Variants in DENND5A observed in about 807,000 individuals in gnomAD.
DENND5A encodes the protein DENN domain containing 5A, also known as DENN domain-containing protein 5A.
DENND5A carries 64 observed loss-of-function variants against 140.3 expected under a neutral mutation model. That is an observed-to-expected ratio of 0.46 (90% CI 0.37 to 0.56). The LOEUF (loss-of-function observed/expected upper bound fraction) is 0.56, where lower values mean the gene tolerates loss of function less well. Ranked by LOEUF, DENND5A falls within the 20% of genes least tolerant of loss-of-function variation. The pLI is 0.00. For synonymous variants in DENND5A, 605 were observed against 607.7 expected (o/e 1.00, Z 0.07); for missense variants, 1,292 against 1,593.8 (o/e 0.81, Z 3.22).
intron 4 of DENND5A, among the ~76,000 whole-genome samples, chr11:9,195,086 C>CTT (rs35616166): frequency 6.2e-5 from 8 of 128,104 alleles, no homozygotes; most frequent in African/African-American, 1.8e-4. Flanking sequence ...CTAGTTAAAA[C>CTT]TTTTTTTTTT....
chr11:9,206,644 T>A (rs1157302259), intron 3 of DENND5A, 29 bp downstream of exon 3: 2 of 1,466,856 alleles, frequency 1.4e-6, no homozygotes, highest in Admixed American at 3.4e-5. Context: ...CTGTAAATTA[T>A]CTCATACTTG....
At position 9,139,095 on chromosome 11, in the gene DENND5A, A is replaced by T. The variant is rs1847144895; in HGVS notation, c.*576T>A. ...GAAATGTGGTATTTGGCACGATGAC[A>T]CATCCCGGCATGTCTCCTTCCCAAA... On this transcript the variant is annotated 3_prime_UTR_variant, in exon 23 of 23. Transcript: ENST00000328194. 1.3e-5 allele frequency: 2 copies of T among 152,684 alleles called. No homozygotes were observed. The highest frequency in any genetic ancestry group is 4.8e-5 in the African/African-American group (2 of 41,450). 9.5% of individuals were successfully genotyped at this position (152,684 alleles called of 1,614,324 possible). A position where few individuals can be genotyped will look rare whatever the true frequency, so the allele number is the denominator to read the frequency against.
intron 1 of DENND5A, among the ~76,000 whole-genome samples, chr11:9,252,104 TCTGG>T (rs963091448): frequency 6.9e-6 from 1 of 144,226 alleles, no homozygotes; most frequent in African/African-American, 2.6e-5. Context: ...TGGAGACCAT[TCTGG>T]CTAACATGGT....
chr11:9,162,878 T>A (rs1848037168), intron 11 of DENND5A, among the ~76,000 whole-genome samples: 1 of 149,556 alleles, frequency 6.7e-6, no homozygotes, highest in Non-Finnish European at 1.5e-5. Context: ...TTTTTTTTTT[T>A]TTTCTTTAAG....
At chr11:9,247,659 C>T (rs1404728399) in intron 1 of DENND5A, among the ~76,000 whole-genome samples, 2 of 152,012 alleles carry the variant, frequency 1.3e-5, no homozygotes, top group Non-Finnish European at 2.9e-5. Flanking sequence ...GTTCTTGTGC[C>T]TGAGATGCTC....
chr11:9,198,603 C>G (rs931621194), intron 4 of DENND5A, among the ~76,000 whole-genome samples: 1 of 149,822 alleles, frequency 6.7e-6, no homozygotes, highest in Non-Finnish European at 1.5e-5. Context: ...GAGCAAGACT[C>G]CACCTCAAAA....
At position 9,178,230 on chromosome 11, in the gene DENND5A, A is replaced by T; in HGVS notation, c.1808T>A (p.Val603Glu). The T allele has an allele frequency of 6.2e-7, 1 of 1,613,800 alleles. No homozygotes were observed. Among genetic ancestry groups the T allele is most frequent in the Non-Finnish European group, 8.5e-7 (1 of 1,179,756 alleles). Residue 603 changes from valine to glutamate, a missense_variant, in exon 8 of 23, where the codon GTA becomes GAA. By Grantham distance (121) the Val-to-Glu change is moderately radical. This residue lies in a region of DENND5A where 199 missense variants were observed against 189.1 expected (regional missense o/e 1.05). Transcript: ENST00000328194. ...DDDDKDPVLR[V>E]FDSRVDKIRL... The stretch of plus-strand genomic sequence containing the variant: ...GATCTTGTCAACTCGGGAATCAAAT[A>T]CCCGGAGTACAGGGTCTTTATCATC...
chr11:9,218,235 G>C lies in DENND5A; in HGVS notation c.110-10603C>G, dbSNP rs145107996. On this transcript the variant is annotated intron_variant, in intron 1 of 22. Transcript: ENST00000328194. ...GATAGCACCACTGCACTCCAGGCTG[G>C]GTGACAGAGCAAGACCCCGTCTCAA... Among the ~76,000 whole-genome samples, 1,394 of 151,990 alleles carry C rather than the reference G, an allele frequency of 9.2e-3. 13 individuals are homozygous for C. Among genetic ancestry groups the C allele is most frequent in the Non-Finnish European group, 0.013 (912 of 67,980 alleles).
Position 9,207,621 on chromosome 11 carries a change from A to C in DENND5A, c.121T>G (p.Tyr41Asp), listed in dbSNP as rs777398710. Residue 41 changes from tyrosine (Y) to aspartate (D), a missense_variant, in exon 2 of 23, where the codon TAC (tyrosine) becomes GAC (aspartate). Coordinates refer to ENST00000328194, the MANE Select transcript of DENND5A (RefSeq NM_015213.4). ...TCCCTGGCTTTAGAAGCCTGTATGT[A>C]CTGGCATAATGCTATATGATAAATG... Reference protein sequence around the residue: ...EPDELSALCQYIQASKARDGA... With the variant: ...EPDELSALCQDIQASKARDGA... 1 of 1,610,408 alleles carries C rather than the reference A, an allele frequency of 6.2e-7. No individual in the cohort carries two copies. Among genetic ancestry groups the C allele is most frequent in the Non-Finnish European group, 8.5e-7 (1 of 1,176,788 alleles).
intron 12 of DENND5A, among the ~76,000 whole-genome samples, chr11:9,159,919 G>A (rs1847923152): frequency 6.6e-6 from 1 of 152,208 alleles, no homozygotes; most frequent in Admixed American, 6.5e-5. Context: ...ATGGGCATAT[G>A]TACACAGAAG....
chr11:9,160,617 C>A, intron 12 of DENND5A, 96 bp downstream of exon 12: 1 of 1,185,572 alleles, frequency 8.4e-7, no homozygotes, highest in South Asian at 1.5e-5. Flanking sequence ...CACCATTCTT[C>A]AAAGCCAGTC....
chr11:9,209,564 G>C (rs186914185), intron 1 of DENND5A, among the ~76,000 whole-genome samples: 1 of 152,106 alleles, frequency 6.6e-6, no homozygotes, highest in Non-Finnish European at 1.5e-5. Flanking sequence ...AGGACTATAC[G>C]GGGTGCCAAA....
intron 10 of DENND5A, among the ~76,000 whole-genome samples, chr11:9,168,790 T>G (rs11826900): frequency 1.3e-5 from 2 of 152,224 alleles, no homozygotes; most frequent in Admixed American, 6.5e-5. Flanking sequence ...GAAAACAGTA[T>G]GCCTTCTTGG....
intron 21 of DENND5A, 96 bp from the exon 22 acceptor site, chr11:9,142,204 CAGGTAACTT>C: frequency 1.0e-6 from 1 of 981,560 alleles, no homozygotes. Context: ...CAAGTCCACA[CAGGTAACTT>C]AATGAGAATA....
chr11:9,189,644 GT>G (rs1849044206), intron 5 of DENND5A, among the ~76,000 whole-genome samples: 1 of 149,202 alleles, frequency 6.7e-6, no homozygotes, highest in Non-Finnish European at 1.5e-5. Context: ...TTTTTTGTTT[GT>G]TTGTTTGTTT....
chr11:9,185,236 G>A (rs188411869), intron 5 of DENND5A, among the ~76,000 whole-genome samples: 159 of 152,150 alleles, frequency 1.0e-3, no homozygotes, highest in Admixed American at 3.1e-3. Flanking sequence ...TTCTTTGATG[G>A]ATAGTGCTTT....
intron 1 of DENND5A, among the ~76,000 whole-genome samples, chr11:9,258,291 A>ATG (rs1852039613): frequency 8.9e-5 from 4 of 45,104 alleles, no homozygotes; most frequent in African/African-American, 3.4e-4. Context: ...CCACCCCCCC[A>ATG]ACAGGCCCCA....
chr11:9,256,230 G>C (rs542113826), intron 1 of DENND5A, among the ~76,000 whole-genome samples: 1 of 152,234 alleles, frequency 6.6e-6, no homozygotes, highest in South Asian at 2.1e-4. Flanking sequence ...AGGAGGCCAA[G>C]GTGGGTGGAT....
At chr11:9,231,440 G>A (rs1440895718) in intron 1 of DENND5A, among the ~76,000 whole-genome samples, 2 of 151,518 alleles carry the variant, frequency 1.3e-5, no homozygotes, top group East Asian at 2.0e-4. Context: ...GCCAGGCTGG[G>A]CGCGGTGGCT....
Sources: allele counts gnomAD v4.1 joint callset (sites outside exome capture counted in the v4.1 genomes callset), GRCh38; gene constraint gnomAD v4.1.1; regional missense constraint gnomAD v4.1.1; transcripts MANE v1.5; gene names NCBI Gene and HGNC (gene_info 2026-07-23, HGNC 2026-07-21).